Variants in AKIRIN2 observed in about 807,000 individuals in gnomAD.
AKIRIN2 encodes the protein akirin 2.
In AKIRIN2, 6 loss-of-function variants were observed where a neutral mutation model predicts 29.3. The ratio of observed to expected loss-of-function variants is 0.20; its 90% CI spans 0.11 to 0.40. AKIRIN2 has a LOEUF of 0.40. Among genes scored for constraint, AKIRIN2 ranks in the 10% least tolerant of loss-of-function variants. The pLI, the probability that AKIRIN2 is intolerant of heterozygous loss-of-function variation, is 1.00. For synonymous variants in AKIRIN2, 128 were observed against 117.5 expected (o/e 1.09, Z -0.58); for missense variants, 210 against 276.1 (o/e 0.76, Z 1.70).
In AKIRIN2 at chr6:87,691,698, A is replaced by G. The variant is rs2128302346; in HGVS notation, c.235+9752T>C. Among the ~76,000 whole-genome samples, 3 of 152,286 alleles carry G rather than the reference A, an allele frequency of 2.0e-5. No homozygotes were observed. The South Asian group carries it at 6.2e-4, about 32-fold the overall frequency. The stretch of plus-strand genomic sequence containing the variant: ...AGTAGAGGGAAATTGTAGTCAAAGG[A>G]GAAAAAGGCCATTTCAAAAAGAAAG... On this transcript the variant is annotated intron_variant, in intron 1 of 4. Coordinates refer to ENST00000257787, the MANE Select transcript of AKIRIN2 (RefSeq NM_018064.4).
At chr6:87,677,565 A>G (rs1771040843) in intron 3 of AKIRIN2, among the ~76,000 whole-genome samples, 2 of 152,146 alleles carry the variant, frequency 1.3e-5, no homozygotes, top group African/African-American at 2.4e-5. Context: ...GAGGTAAACT[A>G]CTAACATCAG....
chr6:87,698,443 A>G (rs1403939177), intron 1 of AKIRIN2, among the ~76,000 whole-genome samples: 1 of 151,902 alleles, frequency 6.6e-6, no homozygotes, highest in Non-Finnish European at 1.5e-5. Context: ...CTGAAATTTG[A>G]ATTTCACATA....
chr6:87,689,737 A>C (rs1233749514), intron 1 of AKIRIN2, among the ~76,000 whole-genome samples: 1 of 152,222 alleles, frequency 6.6e-6, no homozygotes, highest in Non-Finnish European at 1.5e-5. Flanking sequence ...ATGCACACAC[A>C]GATTACCTCC....
At chr6:87,682,858 A>G (rs957657468) in intron 1 of AKIRIN2, among the ~76,000 whole-genome samples, 2 of 152,204 alleles carry the variant, frequency 1.3e-5, no homozygotes, top group Non-Finnish European at 2.9e-5. Context: ...TGGGAGGTCA[A>G]GGTGGGAGGA....
intron 1 of AKIRIN2, among the ~76,000 whole-genome samples, chr6:87,690,701 G>A (rs996071757): frequency 5.3e-5 from 8 of 152,006 alleles, no homozygotes; most frequent in Non-Finnish European, 1.2e-4. Context: ...GGCCAGGCAC[G>A]GTCACTCATG....
intron 1 of AKIRIN2, among the ~76,000 whole-genome samples, chr6:87,689,184 C>T (rs1041278383): frequency 6.6e-6 from 1 of 152,160 alleles, no homozygotes; most frequent in Non-Finnish European, 1.5e-5. Context: ...CCTATAACAA[C>T]TTGTTCAGGC....
At chr6:87,690,644 T>G (rs778874405) in intron 1 of AKIRIN2, among the ~76,000 whole-genome samples, 1 of 152,208 alleles carries the variant, frequency 6.6e-6, no homozygotes, top group Non-Finnish European at 1.5e-5. Context: ...TCATTTACTT[T>G]ACCAACATGA....
chr6:87,686,183 G>A (rs569826802), intron 1 of AKIRIN2, among the ~76,000 whole-genome samples: 1 of 152,128 alleles, frequency 6.6e-6, no homozygotes, highest in South Asian at 2.1e-4. Flanking sequence ...CCACTGCACT[G>A]CAGCTTGGGC....
chr6:87,702,205 CA>C lies in AKIRIN2; in HGVS notation c.-522del. On this transcript the variant is annotated 5_prime_UTR_variant, in exon 1 of 5. Coordinates refer to ENST00000257787, the MANE Select transcript of AKIRIN2 (RefSeq NM_018064.4). ...CAGCAGGAACCCAAGCGAACACGTC[CA>C]ACCGCTTCCCCTCCCTCGTAGAACT... is the stretch of plus-strand genomic sequence containing the variant. 2.5e-6 allele frequency: 1 copy of C among 397,838 alleles called. No individual in the cohort carries two copies. The highest frequency in any genetic ancestry group is 4.4e-6 in the Non-Finnish European group (1 of 225,806). The allele number at this position is 397,838 out of a possible 1,614,324, so 24.6% of individuals were successfully genotyped here.
intron 1 of AKIRIN2, among the ~76,000 whole-genome samples, chr6:87,689,996 A>C (rs560206078): frequency 1.9e-4 from 29 of 152,176 alleles, no homozygotes; most frequent in African/African-American, 7.0e-4. Flanking sequence ...TGGTCACTTG[A>C]GGTCAGGAGT....
At chr6:87,700,938 A>ACC (rs201635910) in intron 1 of AKIRIN2, 1 of 77,384 alleles carries the variant, frequency 1.3e-5, no homozygotes, top group African/African-American at 5.3e-5. Context: ...TCCATCCCCC[A>ACC]CCCCCCACCC....
intron 1 of AKIRIN2, among the ~76,000 whole-genome samples, chr6:87,690,732 G>A (rs1296001788): frequency 6.6e-6 from 1 of 152,182 alleles, no homozygotes; most frequent in Non-Finnish European, 1.5e-5. Context: ...CAGCACTTTG[G>A]GAGGCCAAGG....
intron 3 of AKIRIN2, among the ~76,000 whole-genome samples, chr6:87,676,799 G>C (rs1430802183): frequency 6.7e-6 from 1 of 149,650 alleles, no homozygotes; most frequent in Non-Finnish European, 1.5e-5. Flanking sequence ...ACAATTGGCC[G>C]GGCATGGTGG....
chr6:87,701,484 G>T lies in AKIRIN2; in HGVS notation c.201C>A (p.Ser67=), dbSNP rs1291321824. The change falls in exon 1 of 5, where the codon TCC becomes TCA. Residue 67 remains serine, a synonymous_variant. Transcript: ENST00000257787. ...GGCGGGAGGAGACGTCGCCGAAGGG[G>T]GATGGCTCCATTCGGAGATACTTCT... is the stretch of plus-strand genomic sequence containing the variant. The part of the protein sequence containing the change: ...SPQKYLRMEP[S]PFGDVSSRLT... 6.6e-7 allele frequency: 1 copy of T among 1,507,092 alleles called. No homozygotes were observed. The highest frequency in any genetic ancestry group is 1.2e-5 in the South Asian group (1 of 80,744). 93.4% of individuals were successfully genotyped at this position (1,507,092 alleles called of 1,614,324 possible). A position where few individuals can be genotyped will look rare whatever the true frequency, so the allele number is the denominator to read the frequency against.
intron 1 of AKIRIN2, among the ~76,000 whole-genome samples, chr6:87,689,328 C>T (rs1183742424): frequency 6.6e-6 from 1 of 152,134 alleles, no homozygotes; most frequent in Non-Finnish European, 1.5e-5. Context: ...ATGGCAAAAC[C>T]CCATCTCTAC....
intron 1 of AKIRIN2, among the ~76,000 whole-genome samples, chr6:87,684,729 T>TA (rs1771163477): frequency 1.3e-5 from 2 of 152,238 alleles, no homozygotes; most frequent in Non-Finnish European, 2.9e-5. Flanking sequence ...TTGGTGAGTA[T>TA]TCCATCATAT....
intron 1 of AKIRIN2, among the ~76,000 whole-genome samples, chr6:87,689,644 A>C (rs537990637): frequency 1.3e-5 from 2 of 152,378 alleles, no homozygotes; most frequent in African/African-American, 4.8e-5. Context: ...TGGGAAAACC[A>C]GATAACACAG....
intron 2 of AKIRIN2, 106 bp downstream of exon 2, chr6:87,681,514 T>G: frequency 8.7e-7 from 1 of 1,148,234 alleles, no homozygotes; most frequent in South Asian, 1.7e-5. Flanking sequence ...AAATGTTTTT[T>G]TAAAACTCAG....
intron 2 of AKIRIN2, among the ~76,000 whole-genome samples, chr6:87,679,884 C>G (rs1185855353): frequency 2.0e-5 from 3 of 152,206 alleles, no homozygotes; most frequent in Admixed American, 6.5e-5. Context: ...GTTTCTTCAT[C>G]TCGCTCTGTG....
Sources: allele counts gnomAD v4.1 joint callset (sites outside exome capture counted in the v4.1 genomes callset), GRCh38; gene constraint gnomAD v4.1.1; transcripts MANE v1.5; gene names NCBI Gene and HGNC (gene_info 2026-07-23, HGNC 2026-07-21).